Variants in CD3E observed in about 807,000 individuals in gnomAD.
The protein encoded by CD3E is T-cell surface glycoprotein CD3 epsilon chain.
Under a neutral mutation model 34.7 loss-of-function variants are expected in CD3E, and 16 were observed. That is an observed-to-expected ratio of 0.46 (90% confidence interval 0.31 to 0.70). The LOEUF is 0.70. Ranked by LOEUF, CD3E falls within the 30% of genes least tolerant of loss-of-function variation. The pLI, the probability that CD3E is intolerant of heterozygous loss-of-function variation, is 0.05. For missense variants in CD3E, 223 were observed against 253.9 expected (o/e 0.88, Z 0.83); for synonymous variants, 70 against 90.8 (o/e 0.77, Z 1.30).
At position 118,312,724 on chromosome 11, in the gene CD3E, G is replaced by A; in HGVS notation, c.210G>A (p.Glu70=). 3 of 1,614,040 alleles carry A rather than the reference G, an allele frequency of 1.9e-6. No homozygotes were observed. The highest frequency in any genetic ancestry group is 1.1e-5 in the South Asian group (1 of 91,078). Residue 70 remains glutamate, a synonymous_variant, in exon 6 of 9, where the codon GAG becomes GAA. Coordinates refer to ENST00000361763, the MANE Select transcript of CD3E (RefSeq NM_000733.4). ...ATGATAAAAACATAGGCGGTGATGAGGATGATAAAAACATAGGCAGTGATG... is the reference window on the plus strand; with the variant it reads ...ATGATAAAAACATAGGCGGTGATGAAGATGATAAAAACATAGGCAGTGATG... ...QHNDKNIGGD[E]DDKNIGSDED...
chr11:118,315,595 T>C lies in CD3E; in HGVS notation c.*53T>C. The C allele has an allele frequency of 7.1e-7, 1 of 1,408,642 alleles. No individual in the cohort carries two copies. 87.3% of individuals were successfully genotyped at this position (1,408,642 alleles called of 1,614,324 possible). A position where few individuals can be genotyped will look rare whatever the true frequency, so the allele number is the denominator to read the frequency against. On this transcript the variant is annotated 3_prime_UTR_variant, in exon 9 of 9. Coordinates refer to ENST00000361763, the MANE Select transcript of CD3E (RefSeq NM_000733.4). ...GCCCAGGTCTCCTCTCCAGTCCCCC[T>C]GCGACTCCCTGTTTCCTGGGCTAGT... is the stretch of plus-strand genomic sequence containing the variant.
intron 2 of CD3E, among the ~76,000 whole-genome samples, chr11:118,306,043 G>A (rs928225828): frequency 1.3e-5 from 2 of 152,162 alleles, no homozygotes; most frequent in Admixed American, 1.3e-4. Context: ...TGGAGATTCC[G>A]CATGTCTAGT....
intron 4 of CD3E, among the ~76,000 whole-genome samples, chr11:118,309,934 G>A (rs1307803362): frequency 6.6e-6 from 1 of 152,226 alleles, no homozygotes; most frequent in Non-Finnish European, 1.5e-5. Context: ...ATTGAGCAAA[G>A]ATTGTGCCAC....
rs1394182054 is a variant in CD3E, at chr11:118,307,404, C to T, written c.70+96C>T. ...TTCTCTTAGGCCTCCCACAGAACTT[C>T]CACAGAGGTCAGGAAAAGGAGTTTC... On this transcript the variant is annotated intron_variant, in intron 3 of 8. Coordinates refer to ENST00000361763, the MANE Select transcript of CD3E (RefSeq NM_000733.4). 82 of 1,092,656 alleles carry T rather than the reference C, an allele frequency of 7.5e-5. 2 individuals are homozygous for T. In the Admixed American group the frequency reaches 1.1e-3, roughly 15 times the overall value. 67.7% of individuals were successfully genotyped at this position (1,092,656 alleles called of 1,614,324 possible). A position where few individuals can be genotyped will look rare whatever the true frequency, so the allele number is the denominator to read the frequency against.
intron 2 of CD3E, 55 bp from the exon 3 acceptor site, chr11:118,307,233 A>C: frequency 7.1e-7 from 1 of 1,405,324 alleles, no homozygotes; most frequent in Non-Finnish European, 1.0e-6. Context: ...TCTGTTTAGG[A>C]ATGCAGGTAC....
At chr11:118,312,348 A>G (rs1565511206) in intron 5 of CD3E, 178 bp downstream of exon 5, 3 of 771,370 alleles carry the variant, frequency 3.9e-6, no homozygotes, top group East Asian at 5.0e-5. Context: ...CTTTACATCC[A>G]TCTTACCCTT....
At chr11:118,306,411 C>G (rs1051376307) in intron 2 of CD3E, among the ~76,000 whole-genome samples, 4 of 152,066 alleles carry the variant, frequency 2.6e-5, no homozygotes, top group East Asian at 3.9e-4. Context: ...GGAAGGATCA[C>G]TTGAGCCCAG....
chr11:118,312,615 C>CA lies in CD3E; in HGVS notation c.104-2dup. The CA allele has an allele frequency of 6.2e-7, 1 of 1,614,122 alleles. No homozygotes were observed. Among genetic ancestry groups the CA allele is most frequent in the South Asian group, 1.1e-5 (1 of 91,068 alleles). The stretch of plus-strand genomic sequence containing the variant: ...TCTGCCAATTTCCCTTCTTTCTCCC[C>CA]AGCATATAAAGTCTCCATCTCTGGA... On this transcript the variant is annotated splice_region_variant and splice_polypyrimidine_tract_variant and intron_variant, in intron 5 of 8. Transcript: ENST00000361763.
chr11:118,312,215 A>ATTGG, intron 5 of CD3E, 45 bp downstream of exon 5: 1 of 1,539,210 alleles, frequency 6.5e-7, no homozygotes, highest in South Asian at 1.1e-5. Flanking sequence ...GAGGATGCAG[A>ATTGG]TTGGTGGGTA....
At chr11:118,306,486 GATAA>G (rs141298357) in intron 2 of CD3E, among the ~76,000 whole-genome samples, 8,149 of 145,322 alleles carry the variant, frequency 0.056, 318 homozygotes, top group East Asian at 0.12. Flanking sequence ...TCTCAAAATA[GATAA>G]ATAAATAAAT....
At chr11:118,312,897 G>A (rs371142395) in intron 6 of CD3E, 31 bp downstream of exon 6, 23 of 1,613,442 alleles carry the variant, frequency 1.4e-5, no homozygotes, top group African/African-American at 1.3e-4. Flanking sequence ...AGGTACCACC[G>A]GCTCTTTAGG....
intron 4 of CD3E, among the ~76,000 whole-genome samples, chr11:118,309,594 A>AACAAACAG (rs1463307391): frequency 7.2e-5 from 11 of 152,086 alleles, no homozygotes; most frequent in African/African-American, 1.2e-4. Context: ...CAAACAAACA[A>AACAAACAG]ACAGACAGTA....
intron 5 of CD3E, 145 bp from the exon 6 acceptor site, chr11:118,312,473 T>C (rs1177519321): frequency 2.1e-6 from 2 of 944,706 alleles, no homozygotes; most frequent in African/African-American, 1.6e-5. Flanking sequence ...CCACACCCTC[T>C]AGCCAGTAGA....
At position 118,312,620 on chromosome 11, in the gene CD3E, T is replaced by A. The variant is rs1397810052; in HGVS notation, c.106T>A (p.Tyr36Asn). ...EEMGGITQTP[Y>N]KVSISGTTVI... ...CAATTTCCCTTCTTTCTCCCCAGCA[T>A]ATAAAGTCTCCATCTCTGGAACCAC... Residue 36 changes from tyrosine to asparagine, a missense_variant and splice_region_variant, in exon 6 of 9, where the codon TAT becomes AAT. Coordinates refer to ENST00000361763, the MANE Select transcript of CD3E (RefSeq NM_000733.4). The A allele has an allele frequency of 6.2e-7, 1 of 1,614,090 alleles. No individual in the cohort carries two copies. Among genetic ancestry groups the A allele is most frequent in the Non-Finnish European group, 8.5e-7 (1 of 1,180,044 alleles).
At position 118,308,963 on chromosome 11, in the gene CD3E, G is replaced by A. The variant is rs116563268; in HGVS notation, c.85+522G>A. 7.9e-4 allele frequency among the ~76,000 whole-genome samples: 120 copies of A among 152,278 alleles called. 2 individuals are homozygous for A. The highest frequency in any genetic ancestry group is 2.7e-3 in the African/African-American group (112 of 41,552). On this transcript the variant is annotated intron_variant, in intron 4 of 8. Transcript: ENST00000361763. The stretch of plus-strand genomic sequence containing the variant: ...TGGTCAACTCTACTGAGTGTCGTTG[G>A]GAAAGGTTCCCTGGGGGAGGTGGTC...
intron 2 of CD3E, among the ~76,000 whole-genome samples, chr11:118,306,891 A>G (rs1160310790): frequency 6.6e-6 from 1 of 152,216 alleles, no homozygotes; most frequent in East Asian, 1.9e-4. Context: ...ATGGAACAAG[A>G]ATCCCAGTGT....
At chr11:118,305,654 T>C (rs1177334516) in intron 2 of CD3E, among the ~76,000 whole-genome samples, 1 of 152,242 alleles carries the variant, frequency 6.6e-6, no homozygotes, top group Admixed American at 6.5e-5. Context: ...GAAGGTGTTA[T>C]ATCCTCTTTT....
At chr11:118,305,284 C>A (rs559484863) in intron 2 of CD3E, among the ~76,000 whole-genome samples, 10 of 152,354 alleles carry the variant, frequency 6.6e-5, no homozygotes, top group Non-Finnish European at 1.0e-4. Flanking sequence ...CTCATTCCAA[C>A]TTACCCAGCC....
rs755417434 is a variant in CD3E, at chr11:118,314,463, G to A, written c.536G>A (p.Arg179Lys). Residue 179 changes from arginine to lysine, a missense_variant, in exon 8 of 9, where the codon AGG becomes AAG. Physicochemically the swap from Arg to Lys is conservative, Grantham distance 26. Coordinates refer to ENST00000361763, the MANE Select transcript of CD3E (RefSeq NM_000733.4). ...TCCTCCGCAGGACAAAACAAGGAGA[G>A]GCCACCACCTGTTCCCAACCCAGAC... ...GGRQRGQNKE[R>K]PPPVPNPDYE... The A allele has an allele frequency of 1.2e-6, 2 of 1,614,048 alleles. No individual in the cohort carries two copies. The highest frequency in any genetic ancestry group is 1.7e-4 in the Middle Eastern group (1 of 6,056).
Sources: gnomAD v4.1 joint callset for allele counts (sites outside exome capture counted in the v4.1 genomes callset) on GRCh38, gnomAD v4.1.1 for gene constraint, MANE v1.5 for transcripts, NCBI Gene and HGNC (gene_info 2026-07-23, HGNC 2026-07-21) for gene names.